The following UNC13C variants were observed in gnomAD, a reference collection of about 807,000 sequenced individuals.
UNC13C encodes protein unc-13 homolog C.
Under a neutral mutation model 245.4 loss-of-function variants are expected in UNC13C, and 174 were observed. That is an observed-to-expected ratio of 0.71 (90% CI 0.63 to 0.80). The LOEUF is 0.80. UNC13C is among the 30% of genes least tolerant of loss of function. The pLI is 0.00. For missense variants in UNC13C, 2,829 were observed against 2,602.9 expected (o/e 1.09, Z -1.89); for synonymous variants, 992 against 895.1 (o/e 1.11, Z -1.93).
At chr15:53,893,312 C>T in the UNC13C span, among the ~76,000 whole-genome samples, 1 of 152,202 alleles carries the variant, frequency 6.6e-6, no homozygotes, top group Admixed American at 6.5e-5. Context: ...AGTTATCTCC[C>T]AGTCAGGATA....
At chr15:54,630,246 T>C (rs1342144621), downstream of UNC13C, 4 of 152,190 alleles carry the variant, frequency 2.6e-5, no homozygotes, top group Non-Finnish European at 5.9e-5. Context: ...TCGAAGGAAT[T>C]TGAATGCATT....
At chr15:54,076,947 T>C (rs1898660087) in intron 2 of UNC13C, among the ~76,000 whole-genome samples, 1 of 152,250 alleles carries the variant, frequency 6.6e-6, no homozygotes, top group African/African-American at 2.4e-5. Context: ...TGAATTGTTA[T>C]ATTTTTCTAA....
chr15:54,430,594 A>G (rs1401238046), intron 19 of UNC13C, among the ~76,000 whole-genome samples: 1 of 151,716 alleles, frequency 6.6e-6, no homozygotes, highest in Admixed American at 6.6e-5. Flanking sequence ...ATTAAGGTAC[A>G]CAGAGGTTAA....
intron 30 of UNC13C, among the ~76,000 whole-genome samples, chr15:54,598,948 A>G (rs1899248375): frequency 6.6e-6 from 1 of 152,166 alleles, no homozygotes; most frequent in Non-Finnish European, 1.5e-5. Flanking sequence ...ATGCTCAACA[A>G]ATATTAAATG....
chr15:54,546,747 G>A lies in UNC13C; in HGVS notation c.5722G>A (p.Glu1908Lys). ...KTLSLSAKIC[E>K]KTVLKRVLKE... ...ATTAAGTCTCTCAGCAAAAATCTGTGAGAAAACAGTCCTAAAGCGAGTTTT... is the reference window on the plus strand; with the variant it reads ...ATTAAGTCTCTCAGCAAAAATCTGTAAGAAAACAGTCCTAAAGCGAGTTTT... Residue 1908 changes from glutamate (E) to lysine (K), a missense_variant, in exon 27 of 33, where the codon GAG becomes AAG. Physicochemically the swap from Glu to Lys is moderately conservative, Grantham distance 56. Transcript: ENST00000260323. The A allele has an allele frequency of 6.6e-7, 1 of 1,518,912 alleles. No individual in the cohort carries two copies. Among genetic ancestry groups the A allele is most frequent in the East Asian group, 2.5e-5 (1 of 39,878 alleles). The allele number at this position is 1,518,912 out of a possible 1,614,324, so 94.1% of individuals were successfully genotyped here. A position where few individuals can be genotyped will look rare whatever the true frequency, so the allele number is the denominator to read the frequency against.
intron 29 of UNC13C, among the ~76,000 whole-genome samples, chr15:54,562,206 A>T (rs1163229519): frequency 6.6e-6 from 1 of 152,048 alleles, no homozygotes; most frequent in Non-Finnish European, 1.5e-5. Flanking sequence ...AATTGGAAAG[A>T]ACTCCAGCAT....
At chr15:54,329,509 G>A (rs996179786) in intron 14 of UNC13C, among the ~76,000 whole-genome samples, 1 of 151,924 alleles carries the variant, frequency 6.6e-6, no homozygotes, top group Non-Finnish European at 1.5e-5. Flanking sequence ...TAGATATTGT[G>A]CCATGTCCCT....
At chr15:54,271,829 T>C (rs1275885248) in intron 10 of UNC13C, among the ~76,000 whole-genome samples, 1 of 152,182 alleles carries the variant, frequency 6.6e-6, no homozygotes, top group East Asian at 1.9e-4. Context: ...TGAATAGGCA[T>C]GGGAATGGTA....
chr15:53,897,073 T>C, the UNC13C span, among the ~76,000 whole-genome samples: 1 of 152,242 alleles, frequency 6.6e-6, no homozygotes, highest in Non-Finnish European at 1.5e-5. Flanking sequence ...AACTGAACCC[T>C]GCTTTCCTCC....
intron 17 of UNC13C, among the ~76,000 whole-genome samples, chr15:54,359,177 A>G (rs1215305134): frequency 2.0e-5 from 3 of 151,774 alleles, no homozygotes; most frequent in African/African-American, 4.8e-5. Context: ...GCATGATTCC[A>G]TTTGGTAATA....
At position 54,477,424 on chromosome 15, in the gene UNC13C, A is replaced by G. The variant is rs1204938382; in HGVS notation, c.4934-17184A>G. Among the ~76,000 whole-genome samples the G allele has an allele frequency of 3.7e-5, 4 of 106,966 alleles. 1 individual carries two copies. Among genetic ancestry groups the G allele is most frequent in the Non-Finnish European group, 7.9e-5 (4 of 50,562 alleles). The allele number at this position is 106,966 out of a possible 152,430, so 70.2% of individuals were successfully genotyped here. On this transcript the variant is annotated intron_variant, in intron 19 of 32. Coordinates refer to ENST00000260323, the MANE Select transcript of UNC13C (RefSeq NM_001080534.3). ...GAATGCTTCCAGTTTTTGCCCATTC[A>G]GTATGATATTGGCTGTGGGTTTGTC...
chr15:54,597,370 C>T (rs1566931063), intron 30 of UNC13C, among the ~76,000 whole-genome samples: 2 of 152,190 alleles, frequency 1.3e-5, no homozygotes, highest in Non-Finnish European at 2.9e-5. Context: ...GATAGCTTAA[C>T]ACCTTTGGAA....
the UNC13C span, among the ~76,000 whole-genome samples, chr15:53,883,468 G>A: frequency 6.6e-6 from 1 of 152,148 alleles, no homozygotes; most frequent in South Asian, 2.1e-4. Flanking sequence ...TTTTGGCATG[G>A]GGTTCAAGAG....
At chr15:54,054,350 A>T (rs1188779245) in intron 2 of UNC13C, among the ~76,000 whole-genome samples, 1 of 152,178 alleles carries the variant, frequency 6.6e-6, no homozygotes, top group African/African-American at 2.4e-5. Flanking sequence ...CTGTAAGCTC[A>T]TTGGAGGTAT....
At chr15:54,178,647 G>T (rs553654460) in intron 4 of UNC13C, among the ~76,000 whole-genome samples, 14 of 152,078 alleles carry the variant, frequency 9.2e-5, no homozygotes, top group Non-Finnish European at 1.8e-4. Context: ...TTCTCAGTAT[G>T]AATTAAGGGT....
the UNC13C span, among the ~76,000 whole-genome samples, chr15:53,964,668 C>T: frequency 2.0e-5 from 3 of 152,120 alleles, no homozygotes; most frequent in Admixed American, 6.5e-5. Context: ...AGTACCTACC[C>T]GAGCCAGAAA....
chr15:53,852,326 A>G, the UNC13C span, among the ~76,000 whole-genome samples: 1 of 152,106 alleles, frequency 6.6e-6, no homozygotes, highest in East Asian at 1.9e-4. Context: ...ATTTTTTCGA[A>G]CAGGGCTTTT....
chr15:54,108,853 A>C (rs1900600101), intron 2 of UNC13C, among the ~76,000 whole-genome samples: 1 of 152,218 alleles, frequency 6.6e-6, no homozygotes, highest in Admixed American at 6.5e-5. Flanking sequence ...GAGATATTAC[A>C]GATTCAGGCA....
intron 29 of UNC13C, among the ~76,000 whole-genome samples, chr15:54,561,991 G>A (rs567462419): frequency 6.6e-6 from 1 of 152,008 alleles, no homozygotes; most frequent in East Asian, 1.9e-4. Context: ...CAGCCCCAGC[G>A]ACTGAGAAAG....
Sources: allele counts gnomAD v4.1 joint callset (sites outside exome capture counted in the v4.1 genomes callset), GRCh38; gene constraint gnomAD v4.1.1; transcripts MANE v1.5; gene names NCBI Gene and HGNC (gene_info 2026-07-23, HGNC 2026-07-21).